Variants in NIPBL observed in about 807,000 individuals in gnomAD.
NIPBL encodes NIPBL cohesin loading factor.
NIPBL carries 19 observed loss-of-function variants against 321.8 expected under a neutral mutation model. The ratio of observed to expected loss-of-function variants is 0.06; its 90% CI spans 0.04 to 0.09. The LOEUF is 0.09. NIPBL is among the 10% of genes least tolerant of loss of function. NIPBL has a pLI of 1.00. For synonymous variants in NIPBL, 1,106 were observed against 1,114.1 expected (o/e 0.99, Z 0.14); for missense variants, 2,210 against 3,327.0 (o/e 0.66, Z 8.26).
intron 29 of NIPBL, among the ~76,000 whole-genome samples, chr5:37,023,269 C>G (rs1021304654): frequency 3.3e-5 from 5 of 152,148 alleles, no homozygotes; most frequent in African/African-American, 1.2e-4. Context: ...CAACAGGATT[C>G]CCACGTATCT....
At chr5:37,023,346 A>C (rs550403712) in intron 29 of NIPBL, among the ~76,000 whole-genome samples, 11 of 152,228 alleles carry the variant, frequency 7.2e-5, no homozygotes, top group Non-Finnish European at 1.6e-4. Flanking sequence ...CTAAAATCAC[A>C]TAATGGAGAT....
intron 1 of NIPBL, among the ~76,000 whole-genome samples, chr5:36,930,374 T>TA (rs1487743028): frequency 2.0e-5 from 3 of 152,058 alleles, no homozygotes; most frequent in Non-Finnish European, 4.4e-5. Context: ...AATATAGAAA[T>TA]ACAACTGATT....
chr5:36,979,404 G>A (rs1400512580), intron 9 of NIPBL, among the ~76,000 whole-genome samples: 2 of 151,856 alleles, frequency 1.3e-5, no homozygotes, highest in Admixed American at 6.6e-5. Context: ...CGTTATTGGT[G>A]TATAGACATG....
chr5:36,976,012 G>C lies in NIPBL; in HGVS notation c.1105G>C (p.Asp369His). 1 of 1,614,088 alleles carries C rather than the reference G, an allele frequency of 6.2e-7. No homozygotes were observed. The highest frequency in any genetic ancestry group is 8.5e-7 in the Non-Finnish European group (1 of 1,179,964). ...AAGACTTTCTCGTGTAAGGTCTTCA[G>C]ACATGGACCAGCAAGAGGATATGAT... ...TLRLSRVRSS[D>H]MDQQEDMISG... The change falls in exon 9 of 47, where the codon GAC becomes CAC. Residue 369 changes from aspartate to histidine, a missense_variant. Physicochemically the swap from Asp to His is moderately conservative, Grantham distance 81 (BLOSUM62 -1). Around this residue, in one of 14 missense-constraint regions of NIPBL, gnomAD observed 464 missense variants for 529.5 expected, o/e 0.88. Transcript: ENST00000282516.
chr5:36,997,078 T>C (rs1746205661), intron 11 of NIPBL: 2 of 152,134 alleles, frequency 1.3e-5, no homozygotes, highest in Non-Finnish European at 2.9e-5. Context: ...ATGGCTAAAG[T>C]TAATTTTTTT....
chr5:37,023,775 T>TTTTTTTTTTTTTTTA (rs1554026119), intron 29 of NIPBL, among the ~76,000 whole-genome samples: 3 of 138,872 alleles, frequency 2.2e-5, no homozygotes, highest in African/African-American at 5.3e-5. Flanking sequence ...TTTTTTTTTT[T>TTTTTTTTTTTTTTTA]ACATCCCATA....
intron 1 of NIPBL, among the ~76,000 whole-genome samples, chr5:36,924,744 G>A (rs1749220486): frequency 6.6e-6 from 1 of 152,180 alleles, no homozygotes; most frequent in African/African-American, 2.4e-5. Flanking sequence ...AAAATCTCCA[G>A]TCTAGCTAAT....
intron 10 of NIPBL, among the ~76,000 whole-genome samples, chr5:36,988,524 A>G (rs973183101): frequency 2.6e-5 from 4 of 151,758 alleles, no homozygotes; most frequent in African/African-American, 4.8e-5. Flanking sequence ...TAATGATCCA[A>G]TTTTGGTTTT....
chr5:37,050,768 T>C (rs1164394378), intron 40 of NIPBL, among the ~76,000 whole-genome samples: 1 of 152,216 alleles, frequency 6.6e-6, no homozygotes, highest in Non-Finnish European at 1.5e-5. Context: ...TACAATATTA[T>C]CTAATATACA....
At chr5:36,992,541 G>A (rs1418815730) in intron 10 of NIPBL, among the ~76,000 whole-genome samples, 1 of 151,766 alleles carries the variant, frequency 6.6e-6, no homozygotes, top group Non-Finnish European at 1.5e-5. Context: ...TAAAGACAGG[G>A]TCTCATTCTC....
intron 17 of NIPBL, among the ~76,000 whole-genome samples, chr5:37,006,842 G>A (rs571255820): frequency 2.6e-5 from 4 of 151,700 alleles, no homozygotes; most frequent in African/African-American, 7.3e-5. Context: ...TTATCACTTC[G>A]CCCTAATTTT....
In NIPBL at chr5:37,064,651, C is replaced by G; in HGVS notation, c.8174C>G (p.Ala2725Gly). ...AAGTACAAAGATCGACCACAAATTG[C>G]AAGAGTAGTGCAGAAAACCAGCAGT... ...CPKYKDRPQI[A>G]RVVQKTSSGF... Residue 2725 changes from alanine to glycine, a missense_variant, in exon 47 of 47, where the codon GCA (alanine) becomes GGA (glycine). Transcript: ENST00000282516. 6.2e-7 allele frequency: 1 copy of G among 1,614,088 alleles called. No homozygotes were observed. The highest frequency in any genetic ancestry group is 1.1e-5 in the South Asian group (1 of 91,076).
intron 1 of NIPBL, among the ~76,000 whole-genome samples, chr5:36,891,805 G>A (rs996834433): frequency 1.3e-5 from 2 of 152,168 alleles, no homozygotes; most frequent in African/African-American, 4.8e-5. Flanking sequence ...AGTAGGTGTT[G>A]AGGTCCTCAA....
chr5:37,021,667 C>T (rs778359259), intron 27 of NIPBL, among the ~76,000 whole-genome samples: 3 of 152,072 alleles, frequency 2.0e-5, no homozygotes, highest in Non-Finnish European at 4.4e-5. Context: ...GGCGACAGAG[C>T]GAGACTCCAT....
In NIPBL at chr5:36,961,203, A is replaced by G. The variant is rs1183667401; in HGVS notation, c.359-281A>G. Among the ~76,000 whole-genome samples the G allele has an allele frequency of 3.9e-5, 6 of 152,272 alleles. No homozygotes were observed. In the East Asian group the frequency reaches 7.7e-4, roughly 20 times the overall value. ...AGACAACTTTTAAAAAAATCTTTTC[A>G]ATTCTAAGGCTAAATAATAGAATAT... On this transcript the variant is annotated intron_variant, in intron 4 of 46. Transcript: ENST00000282516.
chr5:36,927,537 A>G (rs1290394105), intron 1 of NIPBL, among the ~76,000 whole-genome samples: 1 of 152,138 alleles, frequency 6.6e-6, no homozygotes, highest in Non-Finnish European at 1.5e-5. Flanking sequence ...CGAATTTTGG[A>G]TATATTTTGA....
chr5:36,937,739 T>C (rs947793996), intron 1 of NIPBL, among the ~76,000 whole-genome samples: 2 of 152,188 alleles, frequency 1.3e-5, no homozygotes, highest in African/African-American at 4.8e-5. Flanking sequence ...TCACTTTTAT[T>C]TTATACACAT....
At chr5:36,930,587 A>G (rs1448108804) in intron 1 of NIPBL, among the ~76,000 whole-genome samples, 1 of 152,064 alleles carries the variant, frequency 6.6e-6, no homozygotes, top group African/African-American at 2.4e-5. Context: ...GTTTTGCTGT[A>G]CTAACTAAAA....
intron 1 of NIPBL, among the ~76,000 whole-genome samples, chr5:36,901,846 G>C (rs191254338): frequency 6.6e-6 from 1 of 152,212 alleles, no homozygotes; most frequent in African/African-American, 2.4e-5. Context: ...GTTTTCCACA[G>C]TGGCTGAACT....
Sources: gnomAD v4.1 joint callset for allele counts (sites outside exome capture counted in the v4.1 genomes callset) on GRCh38, gnomAD v4.1.1 for gene constraint, gnomAD v4.1.1 regional missense constraint, MANE v1.5 for transcripts, NCBI Gene and HGNC (gene_info 2026-07-23, HGNC 2026-07-21) for gene names.